Variants in DIAPH2 observed in about 807,000 individuals in gnomAD.
DIAPH2 encodes protein diaphanous homolog 2.
Under a neutral mutation model 92.7 loss-of-function variants are expected in DIAPH2, and 35 were observed. The observed-to-expected ratio is 0.38, with a 90% CI of 0.29 to 0.50. The LOEUF (loss-of-function observed/expected upper bound fraction) is 0.50, where lower values mean the gene tolerates loss of function less well. DIAPH2 is among the 20% of genes least tolerant of loss of function. The probability of loss-of-function intolerance (pLI) is 0.94; values close to 1 mark genes in which losing one functional copy is unlikely to be tolerated. For synonymous variants in DIAPH2, 301 were observed against 280.4 expected (o/e 1.07, Z -0.73); for missense variants, 701 against 819.5 (o/e 0.86, Z 1.77).
At chrX:97,001,598 A>T (rs1423757963) in intron 17 of DIAPH2, among the ~76,000 whole-genome samples, 1 of 111,495 alleles carries the variant, frequency 9.0e-6, no homozygotes, top group Non-Finnish European at 1.9e-5. Context: ...GCGAGCCTAG[A>T]TCACGCCACT....
chrX:97,185,474 CATATATATATATATATATATATATATAT>C (rs1180330581), intron 22 of DIAPH2, among the ~76,000 whole-genome samples: 4 of 10,512 alleles, frequency 3.8e-4, no homozygotes, highest in African/African-American at 9.7e-4. Flanking sequence ...TATATATACA[CATATATATATATATATATATATATATAT>C]ATATATATAT....
At chrX:97,592,486 G>A (rs942495995) in intron 26 of DIAPH2, among the ~76,000 whole-genome samples, 1 of 111,975 alleles carries the variant, frequency 8.9e-6, no homozygotes, top group Non-Finnish European at 1.9e-5. Context: ...TGCAACTATT[G>A]AGATTTTTCC....
At chrX:97,461,325 T>G (rs2147802042) in intron 26 of DIAPH2, among the ~76,000 whole-genome samples, 1 of 111,559 alleles carries the variant, frequency 9.0e-6, no homozygotes, top group South Asian at 3.8e-4. Flanking sequence ...TTATTTTAGT[T>G]TTACATATCT....
intron 9 of DIAPH2, among the ~76,000 whole-genome samples, chrX:96,929,601 A>G (rs999086790): frequency 1.9e-4 from 21 of 111,336 alleles, no homozygotes; most frequent in African/African-American, 4.9e-4. Flanking sequence ...CCTATTTTGG[A>G]AAAAATAACT....
At chrX:97,167,232 CT>C (rs113946170) in intron 22 of DIAPH2, among the ~76,000 whole-genome samples, 39,543 of 108,055 alleles carry the variant, frequency 0.37, 5,759 homozygotes, top group South Asian at 0.53. Context: ...TATTCTGAAA[CT>C]TTTTTTTTTA....
intron 5 of DIAPH2, among the ~76,000 whole-genome samples, chrX:96,897,747 T>C (rs1476408569): frequency 2.8e-5 from 3 of 106,704 alleles, no homozygotes; most frequent in Admixed American, 1.0e-4. Flanking sequence ...TATTATACTT[T>C]AAGTTTTAGG....
chrX:96,929,289 G>A (rs549369676), intron 9 of DIAPH2, among the ~76,000 whole-genome samples: 1 of 111,447 alleles, frequency 9.0e-6, no homozygotes, highest in Non-Finnish European at 1.9e-5. Flanking sequence ...ATCCATTAAA[G>A]CATAAGCTTC....
At chrX:96,984,223 A>G (rs1018083734) in intron 17 of DIAPH2, among the ~76,000 whole-genome samples, 1 of 111,762 alleles carries the variant, frequency 8.9e-6, no homozygotes, top group African/African-American at 3.2e-5. Flanking sequence ...GCTCAGATCT[A>G]TTTATGTTCC....
At chrX:97,275,024 T>C (rs2068427107) in intron 23 of DIAPH2, among the ~76,000 whole-genome samples, 1 of 110,622 alleles carries the variant, frequency 9.0e-6, no homozygotes, top group African/African-American at 3.3e-5. Flanking sequence ...CAAAATGGAG[T>C]CTCCCATGTC....
At chrX:97,091,897 C>T (rs1243472815) in intron 19 of DIAPH2, among the ~76,000 whole-genome samples, 2 of 111,633 alleles carry the variant, frequency 1.8e-5, no homozygotes, top group Middle Eastern at 4.2e-3. Context: ...TGGTGGAGGG[C>T]GGGGGTGTTG....
Position 97,247,719 on chromosome X carries a change from A to G in DIAPH2, c.2724A>G (p.Ser908=), listed in dbSNP as rs2068154241. 1.7e-6 allele frequency: 2 copies of G among 1,202,270 alleles called. No homozygotes were observed. The highest frequency in any genetic ancestry group is 2.2e-5 in the Admixed American group (1 of 45,164). ...CCTTTGCACACTGTTCTTTAGTTTCAGCTCAAATTCTCAAGAGCAACCTTG... is the reference window on the plus strand; with the variant it reads ...CCTTTGCACACTGTTCTTTAGTTTCGGCTCAAATTCTCAAGAGCAACCTTG... The part of the protein sequence containing the change: ...LEHVESASKV[S]AQILKSNLAS... The change falls in exon 23 of 27, where the codon TCA becomes TCG. Residue 908 remains serine, a synonymous_variant. Coordinates refer to ENST00000324765, the MANE Select transcript of DIAPH2 (RefSeq NM_006729.5).
intron 4 of DIAPH2, among the ~76,000 whole-genome samples, chrX:96,791,587 G>A (rs1184506450): frequency 9.5e-6 from 1 of 104,881 alleles, no homozygotes; most frequent in Non-Finnish European, 2.0e-5. Flanking sequence ...CTTGAACCTT[G>A]GTGCCATCCC....
chrX:96,832,917 TATGA>T (rs1336469000), intron 4 of DIAPH2, among the ~76,000 whole-genome samples: 11 of 111,739 alleles, frequency 9.8e-5, no homozygotes, highest in Non-Finnish European at 1.1e-4. Context: ...TTTAGATATA[TATGA>T]ATATTTGTGT....
At chrX:97,588,442 A>C (rs770783775) in intron 26 of DIAPH2, among the ~76,000 whole-genome samples, 1 of 109,997 alleles carries the variant, frequency 9.1e-6, no homozygotes, top group Non-Finnish European at 1.9e-5. Context: ...ATCGGTCAGT[A>C]CCTTTTACCA....
chrX:97,538,629 C>G (rs181955725), intron 26 of DIAPH2, among the ~76,000 whole-genome samples: 7 of 111,888 alleles, frequency 6.3e-5, no homozygotes, highest in African/African-American at 2.3e-4. Flanking sequence ...AGAACACTAA[C>G]TTTATGGATT....
chrX:97,068,999 G>A (rs1170498700), intron 17 of DIAPH2, among the ~76,000 whole-genome samples: 2 of 111,145 alleles, frequency 1.8e-5, no homozygotes, highest in Non-Finnish European at 3.8e-5. Context: ...TTTCTCTCTT[G>A]TTGTCCAGGC....
At chrX:97,491,416 T>C (rs929519504) in intron 26 of DIAPH2, among the ~76,000 whole-genome samples, 4 of 111,513 alleles carry the variant, frequency 3.6e-5, no homozygotes, top group African/African-American at 1.3e-4. Flanking sequence ...TATTTATTTA[T>C]TTTATTTTTT....
chrX:96,957,943 T>G lies in DIAPH2; in HGVS notation c.1730T>G (p.Leu577Arg). Residue 577 changes from leucine to arginine, a missense_variant, in exon 16 of 27, where the codon CTT (leucine) becomes CGT (arginine). Leu to Arg is a moderately radical substitution (Grantham distance 102). Transcript: ENST00000324765. ...CCACCTCTACCCGGAGGAGCTCCTC[T>G]TCCTCCTCCACCACCTCCTTTACCT... ...PAPPLPGGAPLPPPPPPLPGM... is the reference protein window; with the variant it reads ...PAPPLPGGAPRPPPPPPLPGM... 8.3e-7 allele frequency: 1 copy of G among 1,209,548 alleles called. No individual in the cohort carries two copies. Among genetic ancestry groups the G allele is most frequent in the Non-Finnish European group, 1.1e-6 (1 of 894,536 alleles).
intron 21 of DIAPH2, among the ~76,000 whole-genome samples, chrX:97,115,261 C>T (rs1009765313): frequency 1.8e-5 from 2 of 111,595 alleles, no homozygotes; most frequent in Non-Finnish European, 3.8e-5. Flanking sequence ...ATTGGCCAGG[C>T]GCGGTGGCTC....
Sources: allele counts gnomAD v4.1 joint callset (sites outside exome capture counted in the v4.1 genomes callset), GRCh38; gene constraint gnomAD v4.1.1; transcripts MANE v1.5; gene names NCBI Gene and HGNC (gene_info 2026-07-23, HGNC 2026-07-21).